Variants in KCND2 observed in about 807,000 individuals in gnomAD.
KCND2 encodes A-type voltage-gated potassium channel KCND2.
A neutral mutation model predicts 54.4 loss-of-function variants in KCND2; 16 were observed. That is an observed-to-expected ratio of 0.29 (90% CI 0.20 to 0.45). The LOEUF is 0.45. Ranked by LOEUF, KCND2 falls within the 20% of genes least tolerant of loss-of-function variation. KCND2 has a pLI of 1.00. For synonymous variants in KCND2, 317 were observed against 310.7 expected (o/e 1.02, Z -0.21); for missense variants, 486 against 824.2 (o/e 0.59, Z 5.02).
intron 1 of KCND2, among the ~76,000 whole-genome samples, chr7:120,421,287 G>T (rs1233985296): frequency 6.6e-6 from 1 of 152,094 alleles, no homozygotes; most frequent in Non-Finnish European, 1.5e-5. Flanking sequence ...TCTAAATGTA[G>T]ATAACTACCT....
intron 1 of KCND2, among the ~76,000 whole-genome samples, chr7:120,372,952 A>G (rs1440872754): frequency 6.6e-6 from 1 of 151,834 alleles, no homozygotes; most frequent in East Asian, 1.9e-4. Flanking sequence ...AATTTCCTTT[A>G]TAAAGTTTTA....
At position 120,423,822 on chromosome 7, in the gene KCND2, T is replaced by C. The variant is rs549087135; in HGVS notation, c.1115+148075T>C. Among the ~76,000 whole-genome samples the C allele has an allele frequency of 6.6e-5, 10 of 152,364 alleles. No homozygotes were observed. In the East Asian group the frequency reaches 1.7e-3, roughly 26 times the overall value. On this transcript the variant is annotated intron_variant, in intron 1 of 5. Coordinates refer to ENST00000331113, the MANE Select transcript of KCND2 (RefSeq NM_012281.3). Reference sequence around the variant, plus strand: ...TGGCATTTTAAAATTTGGCTTTCTATCCAAGCCAAACTGCTTCTTTTAGTG... The same window carrying C: ...TGGCATTTTAAAATTTGGCTTTCTACCCAAGCCAAACTGCTTCTTTTAGTG...
intron 1 of KCND2, among the ~76,000 whole-genome samples, chr7:120,584,664 T>TA (rs1792569219): frequency 6.6e-6 from 1 of 152,214 alleles, no homozygotes; most frequent in South Asian, 2.1e-4. Flanking sequence ...TACTAATCCT[T>TA]AGTGGCAATC....
chr7:120,333,831 G>C (rs1239400201), intron 1 of KCND2, among the ~76,000 whole-genome samples: 1 of 152,066 alleles, frequency 6.6e-6, no homozygotes, highest in Non-Finnish European at 1.5e-5. Flanking sequence ...ACTGTGGCAT[G>C]GGTTTGTAGA....
chr7:120,714,082 T>C (rs1052078387), intron 1 of KCND2, among the ~76,000 whole-genome samples: 2 of 152,196 alleles, frequency 1.3e-5, no homozygotes, highest in African/African-American at 4.8e-5. Flanking sequence ...TTATTTAATC[T>C]CTAATGATAA....
chr7:120,341,429 C>T (rs1177333314), intron 1 of KCND2, among the ~76,000 whole-genome samples: 4 of 152,044 alleles, frequency 2.6e-5, no homozygotes, highest in African/African-American at 7.2e-5. Flanking sequence ...TTATGTAGGG[C>T]TGTAATTTTG....
chr7:120,426,055 A>G (rs1039227179), intron 1 of KCND2, among the ~76,000 whole-genome samples: 2 of 152,044 alleles, frequency 1.3e-5, no homozygotes, highest in East Asian at 3.9e-4. Context: ...AGGTGTATCA[A>G]TAATTAATTG....
intron 1 of KCND2, among the ~76,000 whole-genome samples, chr7:120,424,269 A>G (rs573712388): frequency 2.8e-4 from 42 of 152,286 alleles, no homozygotes; most frequent in African/African-American, 9.9e-4. Context: ...CACGCTAATA[A>G]TGTCTGTAGT....
intron 1 of KCND2, among the ~76,000 whole-genome samples, chr7:120,422,571 C>A (rs1166926158): frequency 6.6e-6 from 1 of 152,126 alleles, no homozygotes; most frequent in Non-Finnish European, 1.5e-5. Context: ...TGAAACTATC[C>A]ACTGGGAGAA....
chr7:120,350,528 G>A (rs919924261), intron 1 of KCND2, among the ~76,000 whole-genome samples: 1 of 152,030 alleles, frequency 6.6e-6, no homozygotes, highest in African/African-American at 2.4e-5. Context: ...GAAATACATT[G>A]CATTTAATTT....
At chr7:120,466,699 T>G (rs1264684159) in intron 1 of KCND2, among the ~76,000 whole-genome samples, 2 of 152,200 alleles carry the variant, frequency 1.3e-5, no homozygotes, top group African/African-American at 4.8e-5. Context: ...TTCCTATTGC[T>G]GCTATAACAA....
In KCND2 at chr7:120,471,334, C is replaced by T. The variant is rs1407720925; in HGVS notation, c.1115+195587C>T. Among the ~76,000 whole-genome samples the T allele has an allele frequency of 3.9e-5, 6 of 152,086 alleles. No homozygotes were observed. The East Asian group carries it at 9.6e-4, about 24-fold the overall frequency. On this transcript the variant is annotated intron_variant, in intron 1 of 5. Transcript: ENST00000331113. ...TCAAAATAAAGGTAACTCATTGTGG[C>T]AGATGTGCAAACAGCAGCAAGTTAT...
intron 1 of KCND2, among the ~76,000 whole-genome samples, chr7:120,681,001 T>C (rs1387155272): frequency 2.0e-5 from 3 of 152,126 alleles, no homozygotes; most frequent in Non-Finnish European, 2.9e-5. Flanking sequence ...CTATCAATAA[T>C]ATCATTCTTT....
intron 1 of KCND2, among the ~76,000 whole-genome samples, chr7:120,279,479 G>A (rs1384781020): frequency 6.6e-6 from 1 of 151,662 alleles, no homozygotes; most frequent in Non-Finnish European, 1.5e-5. Flanking sequence ...GTTGCTACAT[G>A]GCATTTCTGT....
At chr7:120,340,973 A>G (rs1034721509) in intron 1 of KCND2, among the ~76,000 whole-genome samples, 4 of 152,224 alleles carry the variant, frequency 2.6e-5, no homozygotes, top group African/African-American at 9.6e-5. Flanking sequence ...AAGAAAAAGA[A>G]GTAATTCCAA....
At chr7:120,716,510 A>C (rs757206200) in intron 1 of KCND2, among the ~76,000 whole-genome samples, 2 of 152,120 alleles carry the variant, frequency 1.3e-5, no homozygotes, top group Non-Finnish European at 2.9e-5. Context: ...TGCTAAGATC[A>C]ATACAGGGTC....
At chr7:120,414,476 A>G (rs1396007220) in intron 1 of KCND2, among the ~76,000 whole-genome samples, 1 of 152,118 alleles carries the variant, frequency 6.6e-6, no homozygotes, top group Non-Finnish European at 1.5e-5. Context: ...TTCCTTCCAT[A>G]ATTATTGGTG....
At chr7:120,407,761 T>C (rs556594082) in intron 1 of KCND2, among the ~76,000 whole-genome samples, 4 of 151,344 alleles carry the variant, frequency 2.6e-5, no homozygotes, top group African/African-American at 9.7e-5. Flanking sequence ...ATTGTAATCA[T>C]ATTATAAAAA....
At chr7:120,310,289 A>C (rs1799718349) in intron 1 of KCND2, among the ~76,000 whole-genome samples, 1 of 152,240 alleles carries the variant, frequency 6.6e-6, no homozygotes. Flanking sequence ...TTATAGGATA[A>C]TATGAACAAA....
Sources: allele counts gnomAD v4.1 joint callset (sites outside exome capture counted in the v4.1 genomes callset), GRCh38; gene constraint gnomAD v4.1.1; transcripts MANE v1.5; gene names NCBI Gene and HGNC (gene_info 2026-07-23, HGNC 2026-07-21).